Variants in PTH observed in about 807,000 individuals in gnomAD.
The protein encoded by PTH is parathormone.
Under a neutral mutation model 7.4 loss-of-function variants are expected in PTH, and 7 were observed. That is an observed-to-expected ratio of 0.94 (90% CI 0.53 to 1.77). The LOEUF is 1.77. Ranked by LOEUF, PTH falls within the 40% of genes most tolerant of loss-of-function variation. PTH has a pLI of 0.00. For missense variants in PTH, 128 were observed against 137.1 expected, an observed-to-expected ratio of 0.93 and a Z score of 0.33; for synonymous variants, 51 against 46.6, an observed-to-expected ratio of 1.09 and a Z score of -0.39.
chr11:13,492,762 GTACT>G lies in PTH; in HGVS notation c.86+4_86+7del. ...AAAAATCCAATTCCAAGGCAAAACAGTACTTACTTAACAGATTTCCCATCCGATT... is the reference window on the plus strand; with the variant it reads ...AAAAATCCAATTCCAAGGCAAAACAGTACTTAACAGATTTCCCATCCGATT... On this transcript the variant is annotated splice_donor_5th_base_variant and intron_variant, in intron 2 of 2. Coordinates refer to ENST00000282091, the MANE Select transcript of PTH (RefSeq NM_000315.4). The G allele has an allele frequency of 9.3e-6, 15 of 1,613,852 alleles. No individual in the cohort carries two copies. The highest frequency in any genetic ancestry group is 2.2e-5 in the South Asian group (2 of 91,064).
chr11:13,493,646 A>G (rs1159307617), intron 1 of PTH, among the ~76,000 whole-genome samples: 1 of 152,216 alleles, frequency 6.6e-6, no homozygotes, highest in Non-Finnish European at 1.5e-5. Context: ...TAAATGAGCT[A>G]TGTTAAAATG....
In PTH at chr11:13,492,743, C is replaced by G. The variant is rs529478063; in HGVS notation, c.86+27G>C. 7 of 1,613,896 alleles carry G rather than the reference C, an allele frequency of 4.3e-6. No homozygotes were observed. The East Asian group carries it at 1.3e-4, about 31-fold the overall frequency. On this transcript the variant is annotated intron_variant, in intron 2 of 2. Coordinates refer to ENST00000282091, the MANE Select transcript of PTH (RefSeq NM_000315.4). ...AAATGATAAAGTCAACATTAAAAAT[C>G]CAATTCCAAGGCAAAACAGTACTTA... is the stretch of plus-strand genomic sequence containing the variant.
Position 13,492,612 on chromosome 11 carries a change from G to A in PTH, c.141C>T (p.Asn47=). The A allele has an allele frequency of 6.2e-7, 1 of 1,614,104 alleles. No homozygotes were observed. The highest frequency in any genetic ancestry group is 8.5e-7 in the Non-Finnish European group (1 of 1,180,020). Residue 47 remains asparagine, a synonymous_variant, in exon 3 of 3, where the codon AAC becomes AAT. Coordinates refer to ENST00000282091, the MANE Select transcript of PTH (RefSeq NM_000315.4). ...GCAGCCATTCTACTCTCTCCATCGA[G>A]TTCAGATGTTTTCCCAGGTTATGCA... ...QLMHNLGKHL[N]SMERVEWLRK...
At chr11:13,493,497 T>C (rs1847503191) in intron 1 of PTH, among the ~76,000 whole-genome samples, 1 of 152,212 alleles carries the variant, frequency 6.6e-6, no homozygotes, top group Non-Finnish European at 1.5e-5. Context: ...GTAAATAACT[T>C]AATCAGCATA....
At chr11:13,493,303 C>A (rs1292031352) in intron 1 of PTH, among the ~76,000 whole-genome samples, 2 of 152,182 alleles carry the variant, frequency 1.3e-5, no homozygotes, top group Admixed American at 1.3e-4. Flanking sequence ...CTAATAAGCA[C>A]TATAAATATT....
In PTH at chr11:13,492,516, G is replaced by A; in HGVS notation, c.237C>T (p.Ser79=). 6.2e-7 allele frequency: 1 copy of A among 1,614,026 alleles called. No homozygotes were observed. Among genetic ancestry groups the A allele is most frequent in the Admixed American group, 1.7e-5 (1 of 60,008 alleles). Residue 79 remains serine (S), a synonymous_variant, in exon 3 of 3, where the codon TCC becomes TCT. Coordinates refer to ENST00000282091, the MANE Select transcript of PTH (RefSeq NM_000315.4). The part of the protein sequence containing the change: ...GAPLAPRDAG[S]QRPRKKEDNV... ...TGTCTTCCTTTTTTCGGGGCCTCTG[G>A]GAACCAGCATCTCTGGGAGCTAGAG...
intron 1 of PTH, among the ~76,000 whole-genome samples, chr11:13,493,864 C>T (rs963626031): frequency 1.3e-5 from 2 of 152,100 alleles, no homozygotes; most frequent in African/African-American, 2.4e-5. Context: ...TGATCCTCCC[C>T]CAGAATTAAC....
intron 1 of PTH, among the ~76,000 whole-genome samples, chr11:13,494,581 T>C (rs1847517315): frequency 6.6e-6 from 1 of 152,190 alleles, no homozygotes; most frequent in Non-Finnish European, 1.5e-5. Context: ...GCTTTTTACT[T>C]TTCTTTTTGG....
rs935118934 is a variant in PTH at position 13,495,958 on chromosome 11, G to A, written c.-53C>T. The stretch of plus-strand genomic sequence containing the variant: ...TCTTCGTTCAGGTATGTTAGTAGCT[G>A]ATGCTGAGTAAACTAAAGACAACTG... On this transcript the variant is annotated 5_prime_UTR_variant, in exon 1 of 3. Transcript: ENST00000282091. The A allele has an allele frequency of 6.6e-6, 1 of 152,134 alleles. No homozygotes were observed. The highest frequency in any genetic ancestry group is 1.5e-5 in the Non-Finnish European group (1 of 68,012). 9.4% of individuals were successfully genotyped at this position (152,134 alleles called of 1,614,324 possible).
intron 1 of PTH, among the ~76,000 whole-genome samples, chr11:13,494,306 C>T (rs1847513868): frequency 6.6e-6 from 1 of 152,116 alleles, no homozygotes; most frequent in South Asian, 2.1e-4. Flanking sequence ...TACACTACTG[C>T]CAGCCCTGGT....
At chr11:13,494,535 G>A (rs2134094295) in intron 1 of PTH, among the ~76,000 whole-genome samples, 1 of 152,254 alleles carries the variant, frequency 6.6e-6, no homozygotes, top group South Asian at 2.1e-4. Flanking sequence ...TCCCTCAAAT[G>A]TGTGGTCACC....
chr11:13,492,219 A>G lies in PTH; in HGVS notation c.*186T>C. ...AGAAAAGATAATTAAAATAACTCAA[A>G]TGAATAAAAGTGGAATCAGAATAAT... is the stretch of plus-strand genomic sequence containing the variant. On this transcript the variant is annotated 3_prime_UTR_variant, in exon 3 of 3. Transcript: ENST00000282091. The G allele has an allele frequency of 4.9e-6, 3 of 612,516 alleles. No individual in the cohort carries two copies. The highest frequency in any genetic ancestry group is 8.0e-6 in the Non-Finnish European group (3 of 373,694). 37.9% of individuals were successfully genotyped at this position (612,516 alleles called of 1,614,324 possible).
Position 13,492,652 on chromosome 11 carries a change from C to T in PTH, c.101G>A (p.Ser34Asn), listed in dbSNP as rs1230332004. ...DGKSVKKRSVSEIQLMHNLGK... is the reference protein window; with the variant it reads ...DGKSVKKRSVNEIQLMHNLGK... ...CAGGTTATGCATAAGCTGTATTTCA[C>T]TCACAGATCTCTTCCTGGGAAGAAG... The change falls in exon 3 of 3, where the codon AGT (serine) becomes AAT (asparagine). Residue 34 changes from serine (S) to asparagine (N), a missense_variant. Ser to Asn is a conservative substitution (Grantham distance 46). Transcript: ENST00000282091. 1 of 1,614,140 alleles carries T rather than the reference C, an allele frequency of 6.2e-7. No individual in the cohort carries two copies. Among genetic ancestry groups the T allele is most frequent in the Non-Finnish European group, 8.5e-7 (1 of 1,180,020 alleles).
intron 1 of PTH, among the ~76,000 whole-genome samples, 185 bp downstream of exon 1, chr11:13,495,726 G>T (rs747273347): frequency 2.0e-5 from 3 of 152,054 alleles, no homozygotes; most frequent in African/African-American, 4.8e-5. Context: ...AATCAAAAAG[G>T]ATTTTGTGAT....
Position 13,492,733 on chromosome 11 carries a change from C to T in PTH, c.86+37G>A, listed in dbSNP as rs1354888681. The T allele has an allele frequency of 6.8e-6, 11 of 1,613,732 alleles. No homozygotes were observed. The Admixed American group carries it at 1.8e-4, about 27-fold the overall frequency. On this transcript the variant is annotated intron_variant, in intron 2 of 2. Coordinates refer to ENST00000282091, the MANE Select transcript of PTH (RefSeq NM_000315.4). ...CCCCACTTCGAAATGATAAAGTCAA[C>T]ATTAAAAATCCAATTCCAAGGCAAA...
chr11:13,495,128 C>G (rs2134094626), intron 1 of PTH, among the ~76,000 whole-genome samples: 1 of 152,244 alleles, frequency 6.6e-6, no homozygotes, highest in South Asian at 2.1e-4. Context: ...GAATGGAATG[C>G]TTGTTTGTAG....
In PTH at chr11:13,492,487, A is replaced by G. The variant is rs1461372628; in HGVS notation, c.266T>C (p.Val89Ala). ...SQRPRKKEDN[V>A]LVESHEKSLG... ...ACTTTTTTCATGGCTCTCAACCAAG[A>G]CATTGTCTTCCTTTTTTCGGGGCCT... The change falls in exon 3 of 3, where the codon GTC (valine) becomes GCC (alanine). Residue 89 changes from valine (V) to alanine (A), a missense_variant. Coordinates refer to ENST00000282091, the MANE Select transcript of PTH (RefSeq NM_000315.4). The G allele has an allele frequency of 6.2e-7, 1 of 1,614,004 alleles. No homozygotes were observed.
chr11:13,493,130 G>A (rs1847498137), intron 1 of PTH, among the ~76,000 whole-genome samples: 1 of 150,782 alleles, frequency 6.6e-6, no homozygotes, highest in Non-Finnish European at 1.5e-5. Context: ...TTTTTAGAAT[G>A]CAATTTTTTA....
intron 1 of PTH, among the ~76,000 whole-genome samples, chr11:13,493,396 A>T (rs1466619379): frequency 2.0e-5 from 3 of 152,228 alleles, no homozygotes; most frequent in African/African-American, 7.2e-5. Flanking sequence ...AGATCATGCA[A>T]AATAAACACT....
Sources: allele counts gnomAD v4.1 joint callset (sites outside exome capture counted in the v4.1 genomes callset), GRCh38; gene constraint gnomAD v4.1.1; transcripts MANE v1.5; gene names NCBI Gene and HGNC (gene_info 2026-07-23, HGNC 2026-07-21).